The following ZNF407 variants were observed in gnomAD, a reference collection of about 807,000 sequenced individuals.
The protein encoded by ZNF407 is zinc finger protein 407.
Under a neutral mutation model 131.2 loss-of-function variants are expected in ZNF407, and 17 were observed. The ratio of observed to expected loss-of-function variants is 0.13; its 90% CI spans 0.09 to 0.19. The LOEUF is 0.19. Ranked by LOEUF, ZNF407 falls within the 10% of genes least tolerant of loss-of-function variation. ZNF407 has a pLI of 1.00. For synonymous variants in ZNF407, 1,156 were observed against 1,062.0 expected (o/e 1.09, Z -1.72); for missense variants, 2,681 against 2,830.6 (o/e 0.95, Z 1.20).
intron 2 of ZNF407, among the ~76,000 whole-genome samples, chr18:74,636,655 G>A (rs12956584): frequency 2.0e-5 from 3 of 152,206 alleles, no homozygotes; most frequent in South Asian, 2.1e-4. Flanking sequence ...GCATGGTTAC[G>A]AGGAAGAAGA....
intron 8 of ZNF407, among the ~76,000 whole-genome samples, chr18:75,041,586 C>T (rs1484879730): frequency 2.6e-5 from 4 of 151,028 alleles, no homozygotes; most frequent in East Asian, 1.9e-4. Flanking sequence ...CTCTCACATT[C>T]GGCTGATACT....
In ZNF407 at chr18:74,627,966, G is replaced by A. The variant is rs929501970; in HGVS notation, c.-53-3001G>A. 2.6e-5 allele frequency among the ~76,000 whole-genome samples: 4 copies of A among 151,724 alleles called. No homozygotes were observed. The South Asian group carries it at 6.3e-4, about 24-fold the overall frequency. On this transcript the variant is annotated intron_variant, in intron 1 of 8. Transcript: ENST00000299687. ...CGTAGCTCACTGCAGCCTCAAACTCGGAGGCTCAAGCGATTTTCCCACCTC... is the reference window on the plus strand; with the variant it reads ...CGTAGCTCACTGCAGCCTCAAACTCAGAGGCTCAAGCGATTTTCCCACCTC...
chr18:74,622,810 A>C (rs1182334529), intron 1 of ZNF407, among the ~76,000 whole-genome samples: 1 of 144,054 alleles, frequency 6.9e-6, no homozygotes, highest in Non-Finnish European at 1.5e-5. Context: ...GAATTTGTGA[A>C]TATGTCTGAA....
intron 4 of ZNF407, among the ~76,000 whole-genome samples, chr18:74,800,614 A>T (rs565456178): frequency 1.1e-3 from 164 of 152,284 alleles, no homozygotes; most frequent in African/African-American, 3.6e-3. Context: ...GTTCAAAAAG[A>T]ATTATACGAA....
intron 3 of ZNF407, among the ~76,000 whole-genome samples, chr18:74,720,065 A>G (rs546395007): frequency 6.7e-6 from 1 of 148,694 alleles, no homozygotes; most frequent in African/African-American, 2.5e-5. Context: ...TTTTTTTTTG[A>G]AGAAGAAGAA....
At chr18:74,863,343 T>C (rs1346943972) in intron 4 of ZNF407, among the ~76,000 whole-genome samples, 1 of 151,930 alleles carries the variant, frequency 6.6e-6, no homozygotes. Flanking sequence ...CAGTAATTAA[T>C]ATAAACTTAT....
At chr18:75,039,738 T>TTA (rs1555712222) in intron 8 of ZNF407, among the ~76,000 whole-genome samples, 1 of 150,896 alleles carries the variant, frequency 6.6e-6, no homozygotes, top group Non-Finnish European at 1.5e-5. Flanking sequence ...TTTTTTTTTT[T>TTA]AATCCATTAC....
chr18:74,758,299 C>T (rs1969010458), intron 3 of ZNF407, among the ~76,000 whole-genome samples: 1 of 151,914 alleles, frequency 6.6e-6, no homozygotes, highest in South Asian at 2.1e-4. Flanking sequence ...CATGCATATA[C>T]ACACATGTAT....
At chr18:74,817,628 CTATT>C (rs1379395241) in intron 4 of ZNF407, among the ~76,000 whole-genome samples, 1 of 152,100 alleles carries the variant, frequency 6.6e-6, no homozygotes, top group African/African-American at 2.4e-5. Flanking sequence ...TACTATGACA[CTATT>C]TAAGATATTT....
intron 3 of ZNF407, among the ~76,000 whole-genome samples, chr18:74,729,791 T>G (rs1010145870): frequency 1.3e-5 from 2 of 152,150 alleles, no homozygotes; most frequent in African/African-American, 4.8e-5. Context: ...TGGAAAAATA[T>G]TTTTCATATT....
chr18:74,851,710 T>A (rs1328564028), intron 4 of ZNF407, among the ~76,000 whole-genome samples: 2 of 152,154 alleles, frequency 1.3e-5, no homozygotes, highest in Non-Finnish European at 2.9e-5. Flanking sequence ...CAGATTTAGA[T>A]GAATGAGTTC....
At chr18:74,955,318 A>G (rs1417152521) in intron 8 of ZNF407, among the ~76,000 whole-genome samples, 2 of 152,112 alleles carry the variant, frequency 1.3e-5, no homozygotes, top group African/African-American at 4.8e-5. Flanking sequence ...GCATGGGGTA[A>G]ATTTGGTGCC....
intron 4 of ZNF407, among the ~76,000 whole-genome samples, chr18:74,791,337 A>G (rs1256990706): frequency 1.3e-5 from 2 of 152,266 alleles, no homozygotes; most frequent in South Asian, 2.1e-4. Context: ...TGCTTCTAGT[A>G]TATGATGTCA....
chr18:74,769,403 G>C (rs748691346), intron 3 of ZNF407, among the ~76,000 whole-genome samples: 11 of 150,804 alleles, frequency 7.3e-5, no homozygotes, highest in Non-Finnish European at 1.5e-4. Context: ...GTTCTTTACA[G>C]AGCTGTTTTT....
At chr18:74,721,962 A>C (rs999695933) in intron 3 of ZNF407, among the ~76,000 whole-genome samples, 8 of 151,932 alleles carry the variant, frequency 5.3e-5, no homozygotes, top group Non-Finnish European at 1.2e-4. Flanking sequence ...GTCATAAATC[A>C]GCTCTTAATT....
intron 8 of ZNF407, among the ~76,000 whole-genome samples, chr18:75,020,485 T>C (rs1021941370): frequency 1.3e-5 from 2 of 152,150 alleles, no homozygotes; most frequent in African/African-American, 2.4e-5. Context: ...ACCAATATTA[T>C]TTTTCTCCTA....
At chr18:74,968,517 T>G (rs1214598270) in intron 8 of ZNF407, among the ~76,000 whole-genome samples, 1 of 152,214 alleles carries the variant, frequency 6.6e-6, no homozygotes, top group Non-Finnish European at 1.5e-5. Flanking sequence ...TTCCTTTATG[T>G]GAGGATATTT....
At chr18:74,630,893 T>G in intron 1 of ZNF407, 74 bp from the exon 2 acceptor site, 1 of 1,181,656 alleles carries the variant, frequency 8.5e-7, no homozygotes. Flanking sequence ...TTCATGATAC[T>G]TTTTCATCTA....
At chr18:74,999,808 A>G (rs1046616957) in intron 8 of ZNF407, among the ~76,000 whole-genome samples, 1 of 152,212 alleles carries the variant, frequency 6.6e-6, no homozygotes, top group Non-Finnish European at 1.5e-5. Context: ...CAACATTGTC[A>G]CTTTATTTTG....
Sources: allele counts gnomAD v4.1 joint callset (sites outside exome capture counted in the v4.1 genomes callset), GRCh38; gene constraint gnomAD v4.1.1; transcripts MANE v1.5; gene names NCBI Gene and HGNC (gene_info 2026-07-23, HGNC 2026-07-21).